Variants in ADGB observed in about 807,000 individuals in gnomAD.
ADGB encodes the protein calpain-7-like protein.
A neutral mutation model predicts 210.5 loss-of-function variants in ADGB; 172 were observed. The ratio of observed to expected loss-of-function variants is 0.82; its 90% CI spans 0.72 to 0.93. The LOEUF (loss-of-function observed/expected upper bound fraction) is 0.93, where lower values mean the gene tolerates loss of function less well. ADGB is among the 40% of genes least tolerant of loss of function. The pLI is 0.00. For synonymous variants in ADGB, 658 were observed against 662.7 expected (o/e 0.99, Z 0.11); for missense variants, 2,025 against 1,964.8 (o/e 1.03, Z -0.58).
chr6:146,670,743 C>A (rs777758848), intron 7 of ADGB, among the ~76,000 whole-genome samples: 1 of 152,218 alleles, frequency 6.6e-6, no homozygotes, highest in South Asian at 2.1e-4. Flanking sequence ...AATGTAGTGC[C>A]TTCTGTGTTT....
chr6:146,775,885 T>C (rs1326850473), intron 29 of ADGB, among the ~76,000 whole-genome samples: 1 of 152,078 alleles, frequency 6.6e-6, no homozygotes, highest in Non-Finnish European at 1.5e-5. Context: ...TTGATAAATA[T>C]ATACTTTGTT....
rs1423859998 is a variant in ADGB, at chr6:146,785,674, C to T, written c.4277C>T (p.Pro1426Leu). 4 of 1,550,856 alleles carry T rather than the reference C, an allele frequency of 2.6e-6. No homozygotes were observed. Among genetic ancestry groups the T allele is most frequent in the East Asian group, 2.4e-5 (1 of 40,888 alleles). Residue 1426 changes from proline to leucine, a missense_variant, in exon 32 of 36, where the codon CCG becomes CTG. Pro to Leu is a moderately conservative substitution (Grantham distance 98, BLOSUM62 -3). Coordinates refer to ENST00000397944, the MANE Select transcript of ADGB (RefSeq NM_024694.4). ...FIKKTSDAES[P>L]PISESQTKPK... The stretch of plus-strand genomic sequence containing the variant: ...AAGAAAACATCTGATGCTGAGAGTC[C>T]GCCTATATCTGAAAGCCAAACTAAA...
At chr6:146,716,221 T>G (rs990602354) in intron 14 of ADGB, among the ~76,000 whole-genome samples, 2 of 152,122 alleles carry the variant, frequency 1.3e-5, no homozygotes, top group Non-Finnish European at 2.9e-5. Context: ...CACCCCCTCC[T>G]ATAAGAATAT....
At position 146,648,696 on chromosome 6, in the gene ADGB, A is replaced by T. The variant is rs144305577; in HGVS notation, c.330+3831A>T. The stretch of plus-strand genomic sequence containing the variant: ...CCCCCGACGTTTGGAATTACAATTC[A>T]ACATTAGATTTGGGTGGGGACACAG... On this transcript the variant is annotated intron_variant, in intron 3 of 35. Coordinates refer to ENST00000397944, the MANE Select transcript of ADGB (RefSeq NM_024694.4). Among the ~76,000 whole-genome samples, 423 of 152,246 alleles carry T rather than the reference A, an allele frequency of 2.8e-3. 4 individuals carry two copies. The highest frequency in any genetic ancestry group is 9.7e-3 in the African/African-American group (403 of 41,560).
rs554280725 is a variant in ADGB, at chr6:146,657,624, G to A, written c.612+644G>A. On this transcript the variant is annotated intron_variant, in intron 5 of 35. Transcript: ENST00000397944. Reference sequence around the variant, plus strand: ...TCTGCACTCTCATGCTGAGGCGAGCGGGGCAGGCAGGTGGATGCACCGGGC... The same window carrying A: ...TCTGCACTCTCATGCTGAGGCGAGCAGGGCAGGCAGGTGGATGCACCGGGC... Among the ~76,000 whole-genome samples the A allele has an allele frequency of 8.5e-5, 13 of 152,272 alleles. No individual in the cohort carries two copies. The East Asian group carries it at 1.7e-3, about 20-fold the overall frequency.
intron 1 of ADGB, among the ~76,000 whole-genome samples, chr6:146,633,138 CT>C (rs754786220): frequency 4.6e-5 from 7 of 152,052 alleles, no homozygotes; most frequent in African/African-American, 7.2e-5. Flanking sequence ...TTTATGCCCC[CT>C]GCCTCAATTT....
At chr6:146,654,987 C>T (rs1775759273) in intron 4 of ADGB, among the ~76,000 whole-genome samples, 1 of 152,146 alleles carries the variant, frequency 6.6e-6, no homozygotes, top group Non-Finnish European at 1.5e-5. Context: ...ACCCTGGTAA[C>T]CACCGTTTCT....
chr6:146,691,435 T>TAA (rs1562275509), intron 11 of ADGB, 145 bp downstream of exon 11: 4 of 30,246 alleles, frequency 1.3e-4, no homozygotes, highest in African/African-American at 1.0e-3. Flanking sequence ...TATATATATA[T>TAA]ATATATAAAA....
intron 27 of ADGB, 40 bp downstream of exon 27, chr6:146,752,754 A>G: frequency 6.9e-7 from 1 of 1,447,694 alleles, no homozygotes; most frequent in Non-Finnish European, 9.1e-7. Context: ...AGATTCATAA[A>G]TGGATATTTA....
intron 11 of ADGB, among the ~76,000 whole-genome samples, 152 bp downstream of exon 11, chr6:146,691,442 A>ATATATATATT (rs1491360806): frequency 3.6e-5 from 2 of 54,966 alleles, no homozygotes; most frequent in African/African-American, 3.6e-4. Context: ...ATATATATAT[A>ATATATATATT]AAAATATATA....
Position 146,656,916 on chromosome 6 carries a change from C to A in ADGB, c.548C>A (p.Ala183Asp). 5.8e-6 allele frequency: 9 copies of A among 1,551,600 alleles called. No homozygotes were observed. Among genetic ancestry groups the A allele is most frequent in the Non-Finnish European group, 7.8e-6 (9 of 1,146,898 alleles). The change falls in exon 5 of 36, where the codon GCT becomes GAT. Residue 183 changes from alanine (A) to aspartate (D), a missense_variant. By Grantham distance (126) the Ala-to-Asp change is moderately radical. Coordinates refer to ENST00000397944, the MANE Select transcript of ADGB (RefSeq NM_024694.4). ...PWEHIYSLCK[A>D]VKGHMPLFNS... ...GAACACATATACTCTCTGTGCAAGG[C>A]TGTGAAGGGTCATATGCCTTTGTTC...
At chr6:146,707,891 G>T (rs1356220085) in intron 13 of ADGB, among the ~76,000 whole-genome samples, 1 of 151,776 alleles carries the variant, frequency 6.6e-6, no homozygotes, top group Non-Finnish European at 1.5e-5. Context: ...ATTTTTTTCT[G>T]GTTGTTTTGT....
At chr6:146,602,936 A>G (rs1780581219) in intron 1 of ADGB, among the ~76,000 whole-genome samples, 1 of 152,202 alleles carries the variant, frequency 6.6e-6, no homozygotes, top group African/African-American at 2.4e-5. Context: ...CCCTGGTGCC[A>G]AAAAGGTTGG....
intron 29 of ADGB, among the ~76,000 whole-genome samples, chr6:146,781,302 C>T (rs1391453779): frequency 1.3e-5 from 2 of 150,256 alleles, no homozygotes; most frequent in African/African-American, 4.9e-5. Flanking sequence ...AAGATTGTGC[C>T]ACTGCACTCC....
intron 28 of ADGB, among the ~76,000 whole-genome samples, chr6:146,764,754 A>G (rs1352468380): frequency 6.6e-6 from 1 of 152,192 alleles, no homozygotes. Context: ...AGAAAAACAT[A>G]CCTGGCAAAT....
At chr6:146,668,089 G>T (rs9497601) in intron 7 of ADGB, among the ~76,000 whole-genome samples, 2 of 152,140 alleles carry the variant, frequency 1.3e-5, no homozygotes, top group South Asian at 4.1e-4. Context: ...TTTCACGATC[G>T]TTTTATTTAA....
At chr6:146,685,441 A>G (rs948533372) in intron 9 of ADGB, among the ~76,000 whole-genome samples, 1 of 152,014 alleles carries the variant, frequency 6.6e-6, no homozygotes, top group Admixed American at 6.6e-5. Flanking sequence ...GGACCATTCT[A>G]TGTTGCACTG....
chr6:146,799,535 GAAAAAAA>G (rs35756296), intron 33 of ADGB, among the ~76,000 whole-genome samples: 1 of 93,464 alleles, frequency 1.1e-5, no homozygotes, highest in African/African-American at 4.1e-5. Context: ...TCTGGGGGGA[GAAAAAAA>G]AAAAAAAAAA....
intron 13 of ADGB, among the ~76,000 whole-genome samples, chr6:146,710,149 A>G: frequency 6.6e-6 from 1 of 151,040 alleles, no homozygotes; most frequent in South Asian, 2.1e-4. Context: ...ATATAAAATC[A>G]TATTATGATT....
Sources: allele counts gnomAD v4.1 joint callset (sites outside exome capture counted in the v4.1 genomes callset), GRCh38; gene constraint gnomAD v4.1.1; transcripts MANE v1.5; gene names NCBI Gene and HGNC (gene_info 2026-07-23, HGNC 2026-07-21).